ETV5: variants seen among roughly 807,000 people sequenced by gnomAD.
ETV5 encodes ETS variant transcription factor 5, also known as ETS translocation variant 5.
Under a neutral mutation model 70.0 loss-of-function variants are expected in ETV5, and 10 were observed. The ratio of observed to expected loss-of-function variants is 0.14; its 90% confidence interval spans 0.09 to 0.24. The LOEUF is 0.24. ETV5 is among the 10% of genes least tolerant of loss of function. The probability of loss-of-function intolerance (pLI) is 1.00; values close to 1 mark genes in which losing one functional copy is unlikely to be tolerated. For missense variants in ETV5, 453 were observed against 651.2 expected (o/e 0.70, Z 3.31); for synonymous variants, 216 against 242.2 (o/e 0.89, Z 1.01).
chr3:186,055,905 C>T (rs191486546), intron 11 of ETV5, among the ~76,000 whole-genome samples: 1 of 152,250 alleles, frequency 6.6e-6, no homozygotes, highest in East Asian at 1.9e-4. Context: ...TATACCCAAC[C>T]CAAAGATGCC....
At chr3:186,102,151 G>C (rs115266092) in intron 5 of ETV5, among the ~76,000 whole-genome samples, 1,882 of 151,026 alleles carry the variant, frequency 0.012, 30 homozygotes, top group African/African-American at 0.044. Context: ...TTTAGAAGTT[G>C]AACTTTTAGT....
intron 7 of ETV5, among the ~76,000 whole-genome samples, chr3:186,074,213 A>G (rs947699410): frequency 2.6e-5 from 4 of 152,166 alleles, no homozygotes; most frequent in Non-Finnish European, 5.9e-5. Flanking sequence ...TATGTCAATT[A>G]ATTTTAAAAC....
At chr3:186,108,662 C>G (rs987789730) in intron 1 of ETV5, 4 of 1,157,670 alleles carry the variant, frequency 3.5e-6, no homozygotes, top group Non-Finnish European at 4.3e-6. Flanking sequence ...CGGGAGCCCC[C>G]GCACTCGCGC....
At chr3:186,066,189 G>T in intron 7 of ETV5, 117 bp from the exon 8 acceptor site, 1 of 814,250 alleles carries the variant, frequency 1.2e-6, no homozygotes, top group Non-Finnish European at 1.7e-6. Flanking sequence ...ACTTAATAAT[G>T]CTTATTTCTG....
At chr3:186,071,326 C>CA (rs1357355714) in intron 7 of ETV5, among the ~76,000 whole-genome samples, 3 of 152,180 alleles carry the variant, frequency 2.0e-5, no homozygotes, top group Non-Finnish European at 4.4e-5. Flanking sequence ...CAACATCATG[C>CA]ACTTAGTACT....
At chr3:186,056,873 T>C (rs907935111) in intron 11 of ETV5, among the ~76,000 whole-genome samples, 2 of 152,198 alleles carry the variant, frequency 1.3e-5, no homozygotes, top group Non-Finnish European at 2.9e-5. Context: ...TCATGTATTC[T>C]ACACTGGAGA....
Position 186,057,497 on chromosome 3 carries a change from A to G in ETV5, c.971-6T>C, listed in dbSNP as rs1235855434. Reference sequence around the variant, plus strand: ...ATCTTTTTCATATGAAAAACCTGAAAGAGAATTTAAAAGAAAGACTACGTT... The same window carrying G: ...ATCTTTTTCATATGAAAAACCTGAAGGAGAATTTAAAAGAAAGACTACGTT... On this transcript the variant is annotated splice_region_variant and splice_polypyrimidine_tract_variant and intron_variant, in intron 9 of 12. Transcript: ENST00000306376. The surrounding 1 kb of genome is among the most constrained non-coding windows in gnomAD (Gnocchi z 4.9). 2.5e-6 allele frequency: 4 copies of G among 1,612,596 alleles called. No homozygotes were observed. The highest frequency in any genetic ancestry group is 3.4e-6 in the Non-Finnish European group (4 of 1,178,606).
At chr3:186,104,679 G>A (rs755610942) in intron 5 of ETV5, among the ~76,000 whole-genome samples, 6 of 151,734 alleles carry the variant, frequency 4.0e-5, no homozygotes, top group Non-Finnish European at 7.4e-5. Flanking sequence ...TAGATGCTTG[G>A]CCTAACACCA....
rs1315764667 is a variant in ETV5, at chr3:186,054,784, G to C, written c.1209+2291C>G. On this transcript the variant is annotated intron_variant, in intron 11 of 12. Transcript: ENST00000306376. This position sits in a 1 kb window ranked among gnomAD's most constrained non-coding sequence, Gnocchi z 4.4. ...TATCTTCCTGACATTAACAAGAACAGGGCCCTCACAGGTATACAAGGAGGG... is the reference window on the plus strand; with the variant it reads ...TATCTTCCTGACATTAACAAGAACACGGCCCTCACAGGTATACAAGGAGGG... Among the ~76,000 whole-genome samples, 1 of 152,098 alleles carries C rather than the reference G, an allele frequency of 6.6e-6. No individual in the cohort carries two copies.
chr3:186,108,804 G>C (rs545161678), intron 1 of ETV5, 136 bp downstream of exon 1: 1 of 337,212 alleles, frequency 3.0e-6, no homozygotes, highest in African/African-American at 2.3e-5. Context: ...GTCAACCCGG[G>C]GGGGGTCACC....
chr3:186,080,343 T>C (rs1037922271), intron 6 of ETV5, among the ~76,000 whole-genome samples: 1 of 151,386 alleles, frequency 6.6e-6, no homozygotes, highest in Non-Finnish European at 1.5e-5. Context: ...TTTTAGCCTC[T>C]GCTTCCGGTT....
chr3:186,108,821 A>G (rs1347385834), intron 1 of ETV5, 119 bp downstream of exon 1: 1 of 272,032 alleles, frequency 3.7e-6, no homozygotes, highest in Non-Finnish European at 7.0e-6. Flanking sequence ...CACCCCAGCT[A>G]CTGCACCCCG....
At chr3:186,061,538 T>C (rs183977106) in intron 9 of ETV5, among the ~76,000 whole-genome samples, 2 of 152,178 alleles carry the variant, frequency 1.3e-5, no homozygotes, top group African/African-American at 4.8e-5. Flanking sequence ...TTGCCACAGA[T>C]TTTGGGAATC....
intron 9 of ETV5, among the ~76,000 whole-genome samples, chr3:186,059,894 C>T (rs564122566): frequency 4.9e-4 from 74 of 152,248 alleles, no homozygotes; most frequent in African/African-American, 1.6e-3. Flanking sequence ...GAATATAATG[C>T]TAACTTTTAA....
In ETV5 at chr3:186,105,221, G is replaced by A; in HGVS notation, c.232+84C>T. ...ATACTACTGTCTAAATCTGGCCATA[G>A]CTGAAAAAAGCATATTCTAGACATG... On this transcript the variant is annotated intron_variant, in intron 5 of 12. Transcript: ENST00000306376. The surrounding 1 kb of genome is among the most constrained non-coding windows in gnomAD (Gnocchi z 4.5). 8.5e-7 allele frequency: 1 copy of A among 1,172,678 alleles called. No individual in the cohort carries two copies. The allele number at this position is 1,172,678 out of a possible 1,614,324, so 72.6% of individuals were successfully genotyped here.
intron 7 of ETV5, among the ~76,000 whole-genome samples, chr3:186,072,359 G>A (rs965445708): frequency 2.0e-5 from 3 of 147,996 alleles, no homozygotes; most frequent in Non-Finnish European, 4.4e-5. Context: ...GTGACAGAGT[G>A]AGACTCTATC....
At position 186,097,431 on chromosome 3, in the gene ETV5, G is replaced by C. The variant is rs762528117; in HGVS notation, c.232+7874C>G. On this transcript the variant is annotated intron_variant, in intron 5 of 12. Transcript: ENST00000306376. ...CTATTCAGGCCTGGAGTAGAGGGGAGGTCAGAGAAGAGCAGGCAGGAATCC... is the reference window on the plus strand; with the variant it reads ...CTATTCAGGCCTGGAGTAGAGGGGACGTCAGAGAAGAGCAGGCAGGAATCC... 3.9e-4 allele frequency among the ~76,000 whole-genome samples: 60 copies of C among 152,144 alleles called. 1 individual carries two copies. Among genetic ancestry groups the C allele is most frequent in the Non-Finnish European group, 6.6e-4 (45 of 68,018 alleles).
In ETV5 at chr3:186,046,994, G is replaced by T. The variant is rs1028543768; in HGVS notation, c.*1645C>A. The T allele has an allele frequency of 1.7e-5, 4 of 229,096 alleles. No homozygotes were observed. Among genetic ancestry groups the T allele is most frequent in the Non-Finnish European group, 3.5e-5 (4 of 115,284 alleles). 14.2% of individuals were successfully genotyped at this position (229,096 alleles called of 1,614,324 possible). A position where few individuals can be genotyped will look rare whatever the true frequency, so the allele number is the denominator to read the frequency against. On this transcript the variant is annotated 3_prime_UTR_variant, in exon 13 of 13. Transcript: ENST00000306376. ...TTCACAAATGTGCTGTTGGTCATAA[G>T]GGGGACAGTTTGAGACTATGGAGTG...
chr3:186,074,859 CAAAAAAAAAAAA>C (rs747453303), intron 7 of ETV5, among the ~76,000 whole-genome samples: 2 of 76,476 alleles, frequency 2.6e-5, no homozygotes, highest in South Asian at 1.0e-3. Flanking sequence ...ACTCTGTCTC[CAAAAAAAAAAAA>C]AAAAAAAAAA....
Sources: gnomAD v4.1 joint callset for allele counts (sites outside exome capture counted in the v4.1 genomes callset) on GRCh38, gnomAD v4.1.1 for gene constraint, Gnocchi (gnomAD v3.1) non-coding constraint, MANE v1.5 for transcripts, NCBI Gene and HGNC (gene_info 2026-07-23, HGNC 2026-07-21) for gene names.